SSR1: variants seen among roughly 807,000 people sequenced by gnomAD.
SSR1 encodes the protein signal sequence receptor subunit 1.
In SSR1, 13 loss-of-function variants were observed where a neutral mutation model predicts 36.1. The ratio of observed to expected loss-of-function variants is 0.36; its 90% CI spans 0.23 to 0.57. The LOEUF is 0.57. Ranked by LOEUF, SSR1 falls within the 20% of genes least tolerant of loss-of-function variation. SSR1 has a pLI of 0.81. For missense variants in SSR1, 291 were observed against 338.5 expected, an observed-to-expected ratio of 0.86 and a Z score of 1.10; for synonymous variants, 113 against 118.9, an observed-to-expected ratio of 0.95 and a Z score of 0.32.
chr6:7,312,946 C>T lies in SSR1; in HGVS notation c.79+96G>A, dbSNP rs1276874543. ...AGAGGCCAGCGGGGTGGACGCGGAC[C>T]CCAGGACCCGGAGCGGCCACCGCCT... On this transcript the variant is annotated intron_variant, in intron 1 of 7. Coordinates refer to ENST00000244763, the MANE Select transcript of SSR1 (RefSeq NM_003144.5). The T allele has an allele frequency of 7.9e-6, 10 of 1,265,962 alleles. 1 individual carries two copies. In the Admixed American group the frequency reaches 1.8e-4, roughly 23 times the overall value. 78.4% of individuals were successfully genotyped at this position (1,265,962 alleles called of 1,614,324 possible). A position where few individuals can be genotyped will look rare whatever the true frequency, so the allele number is the denominator to read the frequency against.
At chr6:7,291,922 A>C (rs1375766707) in intron 7 of SSR1, among the ~76,000 whole-genome samples, 1 of 151,820 alleles carries the variant, frequency 6.6e-6, no homozygotes, top group East Asian at 1.9e-4. Flanking sequence ...AAATATAAAA[A>C]TTCAGCTGGG....
chr6:7,295,864 T>TC (rs1417702380), intron 6 of SSR1, among the ~76,000 whole-genome samples: 1 of 152,204 alleles, frequency 6.6e-6, no homozygotes, highest in African/African-American at 2.4e-5. Flanking sequence ...TAAAGACCTT[T>TC]CCCCTTGCTA....
intron 6 of SSR1, 139 bp downstream of exon 6, chr6:7,297,784 G>C: frequency 3.4e-6 from 2 of 589,930 alleles, no homozygotes; most frequent in Non-Finnish European, 5.9e-6. Context: ...AAGGCTTCAG[G>C]TTTTATTTTA....
chr6:7,296,521 TAATA>T (rs912078137), intron 6 of SSR1, among the ~76,000 whole-genome samples: 10 of 152,248 alleles, frequency 6.6e-5, no homozygotes, highest in Middle Eastern at 3.2e-3. Context: ...ACTAAAGGCT[TAATA>T]AATAATCGCC....
At chr6:7,296,598 A>T (rs918914987) in intron 6 of SSR1, among the ~76,000 whole-genome samples, 2 of 152,098 alleles carry the variant, frequency 1.3e-5, no homozygotes, top group East Asian at 3.9e-4. Flanking sequence ...AAAATTGTTT[A>T]TATTTTCCCA....
chr6:7,296,385 C>G (rs1002073990), intron 6 of SSR1, among the ~76,000 whole-genome samples: 1 of 152,206 alleles, frequency 6.6e-6, no homozygotes, highest in Non-Finnish European at 1.5e-5. Flanking sequence ...AAAATTCCAA[C>G]CATTATGACA....
intron 7 of SSR1, among the ~76,000 whole-genome samples, chr6:7,293,043 G>T (rs1332442886): frequency 6.6e-6 from 1 of 152,046 alleles, no homozygotes; most frequent in African/African-American, 2.4e-5. Flanking sequence ...TTAGTTCCAG[G>T]ACTACTCCCC....
chr6:7,300,920 G>C (rs934515202), intron 4 of SSR1, among the ~76,000 whole-genome samples: 2 of 152,190 alleles, frequency 1.3e-5, no homozygotes, highest in African/African-American at 4.8e-5. Flanking sequence ...TGAGATTACA[G>C]GTGTGAGCCA....
intron 2 of SSR1, among the ~76,000 whole-genome samples, chr6:7,307,644 T>A (rs9502598): frequency 0.014 from 2,192 of 152,296 alleles, 50 homozygotes; most frequent in African/African-American, 0.049. Flanking sequence ...TGGGCTCAAG[T>A]GATCCTCCTG....
At chr6:7,294,958 T>A (rs1163026694) in intron 7 of SSR1, 2 of 710,672 alleles carry the variant, frequency 2.8e-6, no homozygotes, top group South Asian at 2.5e-5. Flanking sequence ...TTATACTGGG[T>A]AGTTTTTCTA....
chr6:7,298,701 A>C, intron 5 of SSR1, 46 bp downstream of exon 5: 1 of 1,431,076 alleles, frequency 7.0e-7, no homozygotes, highest in Non-Finnish European at 9.9e-7. Context: ...TTCCAGTCTT[A>C]CTTTACGAGC....
intron 2 of SSR1, among the ~76,000 whole-genome samples, chr6:7,309,220 C>T (rs1408750): frequency 0.3 from 46,349 of 152,038 alleles, 7,849 homozygotes; most frequent in African/African-American, 0.46. Flanking sequence ...CTTCAGAGTC[C>T]GAGGCATGAG....
intron 6 of SSR1, 36 bp downstream of exon 6, chr6:7,297,887 G>A (rs759092174): frequency 6.4e-7 from 1 of 1,567,348 alleles, no homozygotes; most frequent in Non-Finnish European, 8.8e-7. Flanking sequence ...AACAACTTTT[G>A]AAACACGGCT....
In SSR1 at chr6:7,285,094, AG is replaced by A. The variant is rs1386834684; in HGVS notation, c.*4769del. On this transcript the variant is annotated 3_prime_UTR_variant, in exon 8 of 8. Transcript: ENST00000244763. This position sits in a 1 kb window ranked among gnomAD's most constrained non-coding sequence, Gnocchi z 4.1. ...TCTTGTTCCTTCTTCAAAGAGTAAT[AG>A]GGTTCTACCTAATTGTGAACTAGAA... 6.6e-6 allele frequency: 1 copy of A among 152,220 alleles called. No homozygotes were observed. The highest frequency in any genetic ancestry group is 2.4e-5 in the African/African-American group (1 of 41,462). The allele number at this position is 152,220 out of a possible 1,614,324, so 9.4% of individuals were successfully genotyped here.
In SSR1 at chr6:7,289,699, C is replaced by A; in HGVS notation, c.*165G>T. 1 of 637,300 alleles carries A rather than the reference C, an allele frequency of 1.6e-6. No individual in the cohort carries two copies. Among genetic ancestry groups the A allele is most frequent in the Non-Finnish European group, 2.6e-6 (1 of 382,130 alleles). 39.5% of individuals were successfully genotyped at this position (637,300 alleles called of 1,614,324 possible). A position where few individuals can be genotyped will look rare whatever the true frequency, so the allele number is the denominator to read the frequency against. On this transcript the variant is annotated 3_prime_UTR_variant, in exon 8 of 8. Transcript: ENST00000244763. ...ATTTGTTACTTTAGAAAAATGAATG[C>A]AGTGCATTTTCAGCAATATTATCGC...
chr6:7,309,710 C>T (rs1758145814), intron 2 of SSR1, among the ~76,000 whole-genome samples: 1 of 152,202 alleles, frequency 6.6e-6, no homozygotes. Context: ...TCCTTGCTGT[C>T]ACCTTGTGAA....
At chr6:7,301,690 C>T (rs1256436013) in intron 3 of SSR1, 118 bp from the exon 4 acceptor site, 4 of 1,081,536 alleles carry the variant, frequency 3.7e-6, no homozygotes, top group Non-Finnish European at 5.2e-6. Flanking sequence ...GTCAGAATCC[C>T]TTCCAATAGA....
At position 7,282,544 on chromosome 6, in the gene SSR1, T is replaced by C. The variant is rs543191664; in HGVS notation, c.*7320A>G. The C allele has an allele frequency of 4.6e-5, 7 of 152,366 alleles. No individual in the cohort carries two copies. In the East Asian group the frequency reaches 1.4e-3, roughly 29 times the overall value. The allele number at this position is 152,366 out of a possible 1,614,324, so 9.4% of individuals were successfully genotyped here. Reference sequence around the variant, plus strand: ...AGATGCACACAGACGGGGTTATCCCTTGAAACCAGATCCGGGAAGCCATCA... The same window carrying C: ...AGATGCACACAGACGGGGTTATCCCCTGAAACCAGATCCGGGAAGCCATCA... On this transcript the variant is annotated 3_prime_UTR_variant, in exon 8 of 8. Transcript: ENST00000244763.
chr6:7,307,438 G>A (rs747415244), intron 2 of SSR1, among the ~76,000 whole-genome samples: 9 of 152,184 alleles, frequency 5.9e-5, no homozygotes, highest in Non-Finnish European at 1.2e-4. Context: ...TTCCTCTAAT[G>A]GTTCTCAAGA....
Sources: gnomAD v4.1 joint callset for allele counts (sites outside exome capture counted in the v4.1 genomes callset) on GRCh38, gnomAD v4.1.1 for gene constraint, Gnocchi (gnomAD v3.1) non-coding constraint, MANE v1.5 for transcripts, NCBI Gene and HGNC (gene_info 2026-07-23, HGNC 2026-07-21) for gene names.